HTR1F: variants seen among roughly 807,000 people sequenced by gnomAD.
The protein encoded by HTR1F is 5-hydroxytryptamine (serotonin) receptor 1F, G protein-coupled.
HTR1F carries 17 observed loss-of-function variants against 24.0 expected under a neutral mutation model. That is an observed-to-expected ratio of 0.71 (90% confidence interval 0.48 to 1.06). The LOEUF (loss-of-function observed/expected upper bound fraction) is 1.06. HTR1F is among the 50% of genes least tolerant of loss of function. HTR1F has a pLI of 0.00. For missense variants in HTR1F, 391 were observed against 427.8 expected, an observed-to-expected ratio of 0.91 and a Z score of 0.76; for synonymous variants, 186 against 156.8, an observed-to-expected ratio of 1.19 and a Z score of -1.39.
At chr3:87,987,786 A>T (rs1322482002) in intron 2 of HTR1F, among the ~76,000 whole-genome samples, 2 of 139,496 alleles carry the variant, frequency 1.4e-5, no homozygotes, top group African/African-American at 5.6e-5. Context: ...TATGTATTTT[A>T]TATATATAAA....
At chr3:87,907,262 T>C (rs1703687249) in intron 2 of HTR1F, among the ~76,000 whole-genome samples, 5 of 152,072 alleles carry the variant, frequency 3.3e-5, no homozygotes, top group Admixed American at 2.6e-4. Flanking sequence ...GGTTTTGATT[T>C]GTATTTCCCT....
intron 1 of HTR1F, among the ~76,000 whole-genome samples, chr3:87,803,803 T>C (rs6807498): frequency 0.13 from 19,806 of 152,166 alleles, 4,044 homozygotes; most frequent in African/African-American, 0.44. Context: ...AGTACAATCA[T>C]AGTAACTTGA....
chr3:87,903,974 A>G (rs1703593791), intron 2 of HTR1F, among the ~76,000 whole-genome samples: 1 of 152,198 alleles, frequency 6.6e-6, no homozygotes, highest in African/African-American at 2.4e-5. Flanking sequence ...GTTGCAATAC[A>G]TCTAGCTGAT....
rs147012718 is a variant in HTR1F, at chr3:87,861,757, T to C, written c.-43+39633T>C. On this transcript the variant is annotated intron_variant, in intron 2 of 2. Transcript: ENST00000319595. The stretch of plus-strand genomic sequence containing the variant: ...CCATAGCTCTTCTACTTACATAAAT[T>C]TGTGTTTTTCTAAGCTTTTGCTGGT... 8.5e-4 allele frequency among the ~76,000 whole-genome samples: 130 copies of C among 152,262 alleles called. 1 individual carries two copies. The East Asian group carries it at 0.022, about 26-fold the overall frequency.
intron 2 of HTR1F, among the ~76,000 whole-genome samples, chr3:87,921,875 T>C (rs1386079238): frequency 6.6e-6 from 1 of 151,904 alleles, no homozygotes; most frequent in Non-Finnish European, 1.5e-5. Context: ...TTTATCCATG[T>C]TGCCAACAGT....
intron 2 of HTR1F, among the ~76,000 whole-genome samples, chr3:87,977,010 C>A (rs1705409460): frequency 6.6e-6 from 1 of 152,178 alleles, no homozygotes; most frequent in Non-Finnish European, 1.5e-5. Flanking sequence ...TAACATATTA[C>A]CTGTTTTTCA....
At chr3:87,902,928 T>C (rs536953566) in intron 2 of HTR1F, among the ~76,000 whole-genome samples, 4 of 151,884 alleles carry the variant, frequency 2.6e-5, no homozygotes, top group African/African-American at 7.2e-5. Context: ...AAAACAGAGA[T>C]ATAGATCAAT....
chr3:87,892,971 A>G (rs1345297464), intron 2 of HTR1F, among the ~76,000 whole-genome samples: 4 of 152,066 alleles, frequency 2.6e-5, no homozygotes, highest in African/African-American at 9.7e-5. Flanking sequence ...CATACCAAAA[A>G]AAGAAAAAAA....
intron 1 of HTR1F, among the ~76,000 whole-genome samples, chr3:87,820,670 A>G (rs1704342101): frequency 6.6e-6 from 1 of 152,132 alleles, no homozygotes; most frequent in Non-Finnish European, 1.5e-5. Context: ...AATAAATTTG[A>G]GAGTTGATAT....
At chr3:87,984,535 T>A (rs1026614648) in intron 2 of HTR1F, among the ~76,000 whole-genome samples, 4 of 152,178 alleles carry the variant, frequency 2.6e-5, no homozygotes, top group African/African-American at 9.7e-5. Flanking sequence ...TGATTTTGGC[T>A]CACTACAACC....
intron 2 of HTR1F, among the ~76,000 whole-genome samples, chr3:87,841,246 C>A (rs1352740656): frequency 6.6e-6 from 1 of 151,294 alleles, no homozygotes; most frequent in Non-Finnish European, 1.5e-5. Flanking sequence ...TATTATATGA[C>A]AAAATTATTT....
intron 1 of HTR1F, among the ~76,000 whole-genome samples, chr3:87,797,906 AAGTGGT>A (rs1703931816): frequency 6.6e-6 from 1 of 152,192 alleles, no homozygotes; most frequent in South Asian, 2.1e-4. Flanking sequence ...ACCCTTTAAT[AAGTGGT>A]AGGGGATGGC....
chr3:87,899,081 T>A (rs2107321466), intron 2 of HTR1F, among the ~76,000 whole-genome samples: 1 of 152,350 alleles, frequency 6.6e-6, no homozygotes, highest in East Asian at 1.9e-4. Flanking sequence ...AACTAATTTT[T>A]ATCTTCTATG....
chr3:87,895,636 C>A (rs969003112), intron 2 of HTR1F, among the ~76,000 whole-genome samples: 5 of 152,074 alleles, frequency 3.3e-5, no homozygotes, highest in Admixed American at 2.0e-4. Context: ...AGAAAAGAAA[C>A]TGAGTTTAAG....
At chr3:87,938,529 C>T (rs748006594) in intron 2 of HTR1F, among the ~76,000 whole-genome samples, 1 of 152,160 alleles carries the variant, frequency 6.6e-6, no homozygotes, top group Non-Finnish European at 1.5e-5. Context: ...CCTTACCTGA[C>T]TTCAAACTAT....
At chr3:87,968,379 ATTTT>A (rs1296907684) in intron 2 of HTR1F, among the ~76,000 whole-genome samples, 1 of 151,968 alleles carries the variant, frequency 6.6e-6, no homozygotes, top group Non-Finnish European at 1.5e-5. Flanking sequence ...CGCCCAGCTA[ATTTT>A]TGTATTTTTA....
At chr3:87,808,027 T>C (rs1409294452) in intron 1 of HTR1F, among the ~76,000 whole-genome samples, 1 of 152,000 alleles carries the variant, frequency 6.6e-6, no homozygotes, top group Non-Finnish European at 1.5e-5. Context: ...TTTGCTAGTA[T>C]TTTTTTGAGA....
At chr3:87,909,966 T>G (rs1017963751) in intron 2 of HTR1F, among the ~76,000 whole-genome samples, 1 of 152,036 alleles carries the variant, frequency 6.6e-6, no homozygotes, top group Admixed American at 6.6e-5. Context: ...ATTAACAGAT[T>G]AATCTATTCT....
intron 2 of HTR1F, among the ~76,000 whole-genome samples, chr3:87,969,925 T>C (rs760739756): frequency 1.2e-4 from 18 of 152,238 alleles, no homozygotes; most frequent in Non-Finnish European, 1.6e-4. Flanking sequence ...TCAAGAGATC[T>C]GATGGTTTTA....
Sources: gnomAD v4.1 joint callset for allele counts (sites outside exome capture counted in the v4.1 genomes callset) on GRCh38, gnomAD v4.1.1 for gene constraint, MANE v1.5 for transcripts, NCBI Gene and HGNC (gene_info 2026-07-23, HGNC 2026-07-21) for gene names.